The following ATL3 variants were observed in gnomAD, a reference collection of about 807,000 sequenced individuals.
ATL3 encodes atlastin GTPase 3, also known as atlastin-3.
In ATL3, 49 loss-of-function variants were observed where a neutral mutation model predicts 69.5. That is an observed-to-expected ratio of 0.71 (90% CI 0.56 to 0.89). The LOEUF is 0.89. ATL3 is among the 40% of genes least tolerant of loss of function. ATL3 has a pLI of 0.00. For synonymous variants in ATL3, 214 were observed against 224.1 expected, an observed-to-expected ratio of 0.95 and a Z score of 0.40; for missense variants, 606 against 645.7, an observed-to-expected ratio of 0.94 and a Z score of 0.67.
chr11:63,633,912 G>A (rs1939416737), intron 10 of ATL3, among the ~76,000 whole-genome samples: 2 of 151,342 alleles, frequency 1.3e-5, no homozygotes, highest in South Asian at 4.2e-4. Flanking sequence ...ATGTGCGCCT[G>A]TAGTCCCAGC....
intron 1 of ATL3, 83 bp from the exon 2 acceptor site, chr11:63,659,335 C>G (rs1359711986): frequency 8.4e-7 from 1 of 1,195,958 alleles, no homozygotes; most frequent in Non-Finnish European, 1.2e-6. Flanking sequence ...ACTTCTTAAA[C>G]AGGGGACAGG....
rs372059393 is a variant in ATL3 at position 63,636,347 on chromosome 11, C to T, written c.851-13G>A. ...TCACCAGCAATATCTGTTCACAGGA[C>T]GACAAAGAAGGGAAAAATAAGCCAA... On this transcript the variant is annotated splice_polypyrimidine_tract_variant and intron_variant, in intron 8 of 12. Coordinates refer to ENST00000398868, the MANE Select transcript of ATL3 (RefSeq NM_015459.5). 158 of 1,613,144 alleles carry T rather than the reference C, an allele frequency of 9.8e-5. 1 individual carries two copies. The highest frequency in any genetic ancestry group is 6.2e-4 in the Admixed American group (37 of 59,734).
intron 8 of ATL3, among the ~76,000 whole-genome samples, chr11:63,639,089 G>C (rs1324803331): frequency 4.6e-5 from 7 of 152,150 alleles, no homozygotes; most frequent in Admixed American, 2.0e-4. Context: ...AAAATATAAT[G>C]CCTACCCTTT....
intron 10 of ATL3, among the ~76,000 whole-genome samples, chr11:63,633,308 A>C (rs1282422053): frequency 6.6e-6 from 1 of 152,226 alleles, no homozygotes; most frequent in Non-Finnish European, 1.5e-5. Flanking sequence ...TATACATAGA[A>C]ATATGTATTC....
At chr11:63,639,619 G>A (rs542614695) in intron 8 of ATL3, among the ~76,000 whole-genome samples, 115 of 152,146 alleles carry the variant, frequency 7.6e-4, no homozygotes, top group Non-Finnish European at 1.3e-3. Context: ...GCCAGGCATA[G>A]TGGTGCATGC....
upstream of ATL3, chr11:63,671,407 G>C (rs544508530): frequency 9.9e-6 from 15 of 1,522,334 alleles, no homozygotes; most frequent in Non-Finnish European, 1.2e-5. Context: ...GGAACGAACC[G>C]GGCCCTGGAA....
intron 3 of ATL3, among the ~76,000 whole-genome samples, chr11:63,656,121 G>A (rs1940237708): frequency 6.6e-6 from 1 of 151,880 alleles, no homozygotes; most frequent in African/African-American, 2.4e-5. Flanking sequence ...CTCCTTGGGA[G>A]GCTGAGGCAG....
intron 1 of ATL3, 26 bp downstream of exon 1, chr11:63,671,264 C>T (rs773311388): frequency 1.9e-6 from 3 of 1,567,312 alleles, no homozygotes; most frequent in East Asian, 2.5e-5. Context: ...GGCCGCGGGG[C>T]GATCCAGGGA....
Position 63,626,007 on chromosome 11 carries a change from C to G in ATL3, c.*3312G>C, listed in dbSNP as rs1394149216. Reference sequence around the variant, plus strand: ...AAAAAAAAAAAGGAATAAAGCGAAACACAGGCAATTTTACCAAGTATAAAA... The same window carrying G: ...AAAAAAAAAAAGGAATAAAGCGAAAGACAGGCAATTTTACCAAGTATAAAA... On this transcript the variant is annotated 3_prime_UTR_variant, in exon 13 of 13. Coordinates refer to ENST00000398868, the MANE Select transcript of ATL3 (RefSeq NM_015459.5). 1.3e-5 allele frequency: 2 copies of G among 151,612 alleles called. No homozygotes were observed. Among genetic ancestry groups the G allele is most frequent in the African/African-American group, 2.4e-5 (1 of 41,234 alleles). 9.4% of individuals were successfully genotyped at this position (151,612 alleles called of 1,614,324 possible).
Position 63,631,399 on chromosome 11 carries a change from C to T in ATL3, c.1180G>A (p.Ala394Thr), listed in dbSNP as rs1458721463. Residue 394 changes from alanine to threonine, a missense_variant, in exon 12 of 13, where the codon GCT (alanine) becomes ACT (threonine). By Grantham distance (58) the Ala-to-Thr change is moderately conservative (BLOSUM62 0). Transcript: ENST00000398868. ...TTGGTCTTCTTAAAATGGTCCAGAGCAAGTTGTTTGAATTCACAGTGCTTC... is the reference window on the plus strand; with the variant it reads ...TTGGTCTTCTTAAAATGGTCCAGAGTAAGTTGTTTGAATTCACAGTGCTTC... ...EEKHCEFKQL[A>T]LDHFKKTKKM... 1.9e-6 allele frequency: 3 copies of T among 1,614,188 alleles called. No individual in the cohort carries two copies. The highest frequency in any genetic ancestry group is 1.7e-6 in the Non-Finnish European group (2 of 1,180,046).
At chr11:63,645,207 G>A (rs1431668791) in intron 6 of ATL3, among the ~76,000 whole-genome samples, 1 of 151,994 alleles carries the variant, frequency 6.6e-6, no homozygotes, top group Non-Finnish European at 1.5e-5. Flanking sequence ...AGGAGTTTGA[G>A]ACCAGCCGGT....
At chr11:63,643,773 A>G (rs960333876) in intron 7 of ATL3, among the ~76,000 whole-genome samples, 2 of 152,234 alleles carry the variant, frequency 1.3e-5, no homozygotes, top group African/African-American at 4.8e-5. Flanking sequence ...ACCAATTAGT[A>G]GTGACAGACA....
intron 3 of ATL3, among the ~76,000 whole-genome samples, chr11:63,655,295 T>C (rs1009112109): frequency 6.6e-6 from 1 of 150,528 alleles, no homozygotes; most frequent in Non-Finnish European, 1.5e-5. Context: ...AGATTACAGG[T>C]GGGCGCCACC....
intron 9 of ATL3, 32 bp from the exon 10 acceptor site, chr11:63,635,622 A>G (rs764953578): frequency 1.1e-5 from 16 of 1,494,902 alleles, no homozygotes; most frequent in Non-Finnish European, 9.3e-7. Context: ...CTGCTATAAA[A>G]TGTTATTCAG....
In ATL3 at chr11:63,661,884, G is replaced by A. The variant is rs148976343; in HGVS notation, c.47-2632C>T. 3.0e-4 allele frequency among the ~76,000 whole-genome samples: 43 copies of A among 144,240 alleles called. No homozygotes were observed. In the East Asian group the frequency reaches 7.5e-3, roughly 25 times the overall value. 94.6% of individuals were successfully genotyped at this position (144,240 alleles called of 152,430 possible). A position where few individuals can be genotyped will look rare whatever the true frequency, so the allele number is the denominator to read the frequency against. ...AGCCTGGGCAAAAGAGTGACACTCC[G>A]TCTCAAAAAAAAAAAGTGAAAAGAA... On this transcript the variant is annotated intron_variant, in intron 1 of 12. Coordinates refer to ENST00000398868, the MANE Select transcript of ATL3 (RefSeq NM_015459.5).
intron 3 of ATL3, among the ~76,000 whole-genome samples, chr11:63,654,367 G>C (rs1007376777): frequency 5.5e-4 from 84 of 151,760 alleles, no homozygotes; most frequent in African/African-American, 1.9e-3. Flanking sequence ...GGATGGTCTC[G>C]ATCTCCTGAC....
upstream of ATL3, chr11:63,671,681 C>G (rs376392153): frequency 1.5e-6 from 2 of 1,339,918 alleles, no homozygotes; most frequent in Non-Finnish European, 1.9e-6. Context: ...GAATTGTAGT[C>G]CCGCGCTCAC....
chr11:63,671,270 AG>A lies in ATL3; in HGVS notation c.46+19del, dbSNP rs746682810. On this transcript the variant is annotated intron_variant, in intron 1 of 12. Coordinates refer to ENST00000398868, the MANE Select transcript of ATL3 (RefSeq NM_015459.5). ...GGCGGGGGTGGCCGCGGGGCGATCC[AG>A]GGAAAATCGGCGCCTCACCTGCTCC... The A allele has an allele frequency of 1.3e-6, 2 of 1,575,994 alleles. No homozygotes were observed. The highest frequency in any genetic ancestry group is 5.0e-5 in the East Asian group (2 of 39,976).
chr11:63,641,272 T>C (rs1939693175), intron 8 of ATL3, among the ~76,000 whole-genome samples: 1 of 152,246 alleles, frequency 6.6e-6, no homozygotes. Flanking sequence ...AAATGTTATA[T>C]ATGAAACTTG....
Sources: allele counts gnomAD v4.1 joint callset (sites outside exome capture counted in the v4.1 genomes callset), GRCh38; gene constraint gnomAD v4.1.1; transcripts MANE v1.5; gene names NCBI Gene and HGNC (gene_info 2026-07-23, HGNC 2026-07-21).